The following ZDHHC2 variants were observed in gnomAD, a reference collection of about 807,000 sequenced individuals.
ZDHHC2 encodes the protein zDHHC palmitoyltransferase 2, also known as palmitoyltransferase ZDHHC2.
ZDHHC2 carries 51 observed loss-of-function variants against 55.6 expected under a neutral mutation model. That is an observed-to-expected ratio of 0.92 (90% confidence interval 0.73 to 1.16). ZDHHC2 has a LOEUF of 1.16. Ranked by LOEUF, ZDHHC2 falls within the 50% of genes most tolerant of loss-of-function variation. The pLI is 0.00. For synonymous variants in ZDHHC2, 199 were observed against 152.9 expected, an observed-to-expected ratio of 1.30 and a Z score of -2.22; for missense variants, 491 against 442.4, an observed-to-expected ratio of 1.11 and a Z score of -0.99.
intron 8 of ZDHHC2, among the ~76,000 whole-genome samples, chr8:17,209,723 T>C (rs1394603558): frequency 1.3e-5 from 2 of 152,192 alleles, no homozygotes; most frequent in African/African-American, 4.8e-5. Flanking sequence ...AAAAGGCATA[T>C]TTTAAAATTA....
chr8:17,173,465 C>T (rs575554652), intron 1 of ZDHHC2, among the ~76,000 whole-genome samples: 1 of 151,990 alleles, frequency 6.6e-6, no homozygotes, highest in Admixed American at 6.6e-5. Flanking sequence ...CATTTGAGCC[C>T]AGGAGTTCAA....
chr8:17,174,216 G>T (rs954274317), intron 1 of ZDHHC2, among the ~76,000 whole-genome samples: 12 of 151,582 alleles, frequency 7.9e-5, no homozygotes, highest in Non-Finnish European at 1.6e-4. Context: ...AGCCTGCTGA[G>T]TAGCTGGGAC....
intron 1 of ZDHHC2, among the ~76,000 whole-genome samples, chr8:17,161,784 G>A (rs777118827): frequency 2.6e-5 from 4 of 151,480 alleles, no homozygotes; most frequent in Non-Finnish European, 5.9e-5. Flanking sequence ...TGCCTGAACC[G>A]GGGAGGCAGA....
chr8:17,200,255 T>G (rs995897637), intron 6 of ZDHHC2, among the ~76,000 whole-genome samples: 1 of 152,234 alleles, frequency 6.6e-6, no homozygotes, highest in Non-Finnish European at 1.5e-5. Flanking sequence ...CTGGGTAGTT[T>G]CGTTCAGCTC....
intron 1 of ZDHHC2, among the ~76,000 whole-genome samples, chr8:17,167,884 A>C (rs1426246676): frequency 6.7e-6 from 1 of 149,136 alleles, no homozygotes; most frequent in African/African-American, 2.5e-5. Context: ...GAAACACTCC[A>C]ACAGCATTGC....
Position 17,197,742 on chromosome 8 carries a change from C to G in ZDHHC2, c.443+91C>G, listed in dbSNP as rs548046823. On this transcript the variant is annotated intron_variant, in intron 5 of 12. Transcript: ENST00000262096. ...TTCTCACTGTTTTCCTGATTATCTT[C>G]TCCATATTCTCGCTTCTCAGCCCTT... 2.3e-6 allele frequency: 3 copies of G among 1,329,990 alleles called. No individual in the cohort carries two copies. The East Asian group carries it at 7.1e-5, about 31-fold the overall frequency. The allele number at this position is 1,329,990 out of a possible 1,614,324, so 82.4% of individuals were successfully genotyped here.
intron 3 of ZDHHC2, among the ~76,000 whole-genome samples, chr8:17,194,580 A>G (rs1806208353): frequency 6.6e-6 from 1 of 151,900 alleles, no homozygotes; most frequent in African/African-American, 2.4e-5. Context: ...GTATCTCTCA[A>G]CAACAGTGTA....
rs1438984536 is a variant in ZDHHC2, at chr8:17,224,635, G to T, written c.*4414G>T. 6.6e-6 allele frequency: 1 copy of T among 151,550 alleles called. No homozygotes were observed. Among genetic ancestry groups the T allele is most frequent in the Non-Finnish European group, 1.5e-5 (1 of 67,688 alleles). The allele number at this position is 151,550 out of a possible 1,614,324, so 9.4% of individuals were successfully genotyped here. A position where few individuals can be genotyped will look rare whatever the true frequency, so the allele number is the denominator to read the frequency against. On this transcript the variant is annotated 3_prime_UTR_variant, in exon 13 of 13. Coordinates refer to ENST00000262096, the MANE Select transcript of ZDHHC2 (RefSeq NM_016353.5). ...TAATGCTTCAAGGTAAAATTCCGTTGATTCTGAATTTAAAAAGATACTACA... is the reference window on the plus strand; with the variant it reads ...TAATGCTTCAAGGTAAAATTCCGTTTATTCTGAATTTAAAAAGATACTACA...
At chr8:17,178,525 C>G (rs76694173) in intron 1 of ZDHHC2, among the ~76,000 whole-genome samples, 6,300 of 152,252 alleles carry the variant, frequency 0.041, 148 homozygotes, top group Non-Finnish European at 0.052. Flanking sequence ...CATACTTTCC[C>G]TGTCTCAGCT....
chr8:17,195,723 C>T lies in ZDHHC2; in HGVS notation c.373+99C>T. 4 of 1,459,824 alleles carry T rather than the reference C, an allele frequency of 2.7e-6. No homozygotes were observed. In the South Asian group the frequency reaches 5.0e-5, roughly 18 times the overall value. 90.4% of individuals were successfully genotyped at this position (1,459,824 alleles called of 1,614,324 possible). On this transcript the variant is annotated intron_variant, in intron 4 of 12. Coordinates refer to ENST00000262096, the MANE Select transcript of ZDHHC2 (RefSeq NM_016353.5). ...TATGTACTTGAAATGGTAAAACACT[C>T]ATTTCAGAATGCTGTGTTATTTCTT...
intron 3 of ZDHHC2, among the ~76,000 whole-genome samples, 196 bp from the exon 4 acceptor site, chr8:17,195,308 A>G (rs1296354425): frequency 6.6e-6 from 1 of 152,316 alleles, no homozygotes; most frequent in Middle Eastern, 3.4e-3. Flanking sequence ...GATGATTATT[A>G]TACCCTTTTT....
At chr8:17,166,132 T>G (rs1219200824) in intron 1 of ZDHHC2, among the ~76,000 whole-genome samples, 1 of 152,196 alleles carries the variant, frequency 6.6e-6, no homozygotes, top group African/African-American at 2.4e-5. Context: ...CCAGAGGTGA[T>G]GCACTGCGAC....
Position 17,184,771 on chromosome 8 carries a change from C to G in ZDHHC2, c.131-18C>G. 6.5e-7 allele frequency: 1 copy of G among 1,548,250 alleles called. No homozygotes were observed. The highest frequency in any genetic ancestry group is 8.7e-7 in the Non-Finnish European group (1 of 1,145,494). On this transcript the variant is annotated intron_variant, in intron 1 of 12. Coordinates refer to ENST00000262096, the MANE Select transcript of ZDHHC2 (RefSeq NM_016353.5). The stretch of plus-strand genomic sequence containing the variant: ...CCATAAGCTTCATGTAACCTATTAC[C>G]TTTTTTTCTCTTTACAGTGTCCATG...
At chr8:17,192,430 A>C (rs1326239980) in intron 3 of ZDHHC2, among the ~76,000 whole-genome samples, 3 of 152,202 alleles carry the variant, frequency 2.0e-5, no homozygotes, top group South Asian at 2.1e-4. Flanking sequence ...CTTTTGAGAA[A>C]TGTCTATTCA....
intron 1 of ZDHHC2, among the ~76,000 whole-genome samples, chr8:17,173,241 C>G (rs958000595): frequency 6.6e-6 from 1 of 152,214 alleles, no homozygotes; most frequent in Non-Finnish European, 1.5e-5. Context: ...TGGGGCCAAA[C>G]AGGCCTATAT....
intron 1 of ZDHHC2, among the ~76,000 whole-genome samples, chr8:17,163,166 C>T (rs1008052517): frequency 7.9e-5 from 12 of 152,162 alleles, no homozygotes; most frequent in African/African-American, 2.2e-4. Flanking sequence ...GAAGGGCAGG[C>T]GAGTGAAGCG....
chr8:17,169,985 G>A (rs1441729598), intron 1 of ZDHHC2, among the ~76,000 whole-genome samples: 4 of 152,194 alleles, frequency 2.6e-5, no homozygotes, highest in Non-Finnish European at 5.9e-5. Context: ...TCTTTCAACT[G>A]TGGGTGGCCA....
At chr8:17,203,888 C>T (rs1027409219) in intron 6 of ZDHHC2, among the ~76,000 whole-genome samples, 1 of 150,018 alleles carries the variant, frequency 6.7e-6, no homozygotes, top group Non-Finnish European at 1.5e-5. Context: ...GCTCACTGCA[C>T]CCTCCACCTC....
intron 7 of ZDHHC2, among the ~76,000 whole-genome samples, chr8:17,207,496 G>A (rs1156868447): frequency 6.6e-6 from 1 of 152,240 alleles, no homozygotes; most frequent in Non-Finnish European, 1.5e-5. Flanking sequence ...GCTGTTGTTT[G>A]TAGTAACATA....
Sources: allele counts gnomAD v4.1 joint callset (sites outside exome capture counted in the v4.1 genomes callset), GRCh38; gene constraint gnomAD v4.1.1; transcripts MANE v1.5; gene names NCBI Gene and HGNC (gene_info 2026-07-23, HGNC 2026-07-21).